Variants in NID2 observed in about 807,000 individuals in gnomAD.
NID2 encodes the protein nidogen-2.
A neutral mutation model predicts 145.4 loss-of-function variants in NID2; 83 were observed. The observed-to-expected ratio is 0.57, with a 90% CI of 0.48 to 0.69. The LOEUF (loss-of-function observed/expected upper bound fraction) is 0.69, where lower values mean the gene tolerates loss of function less well. Among genes scored for constraint, NID2 ranks in the 30% least tolerant of loss-of-function variants. The pLI, the probability that NID2 is intolerant of heterozygous loss-of-function variation, is 0.00. For synonymous variants in NID2, 739 were observed against 701.3 expected (o/e 1.05, Z -0.85); for missense variants, 1,807 against 1,765.7 (o/e 1.02, Z -0.42).
intron 3 of NID2, among the ~76,000 whole-genome samples, chr14:52,059,226 T>C (rs984425649): frequency 6.6e-6 from 1 of 152,204 alleles, no homozygotes; most frequent in Non-Finnish European, 1.5e-5. Context: ...TTTCAATAAA[T>C]GTCAGCTCTG....
rs372100376 is a variant in NID2, at chr14:52,042,304, C to T, written c.1626G>A (p.Val542=). The T allele has an allele frequency of 7.4e-6, 12 of 1,613,550 alleles. 1 individual carries two copies. Among genetic ancestry groups the T allele is most frequent in the Middle Eastern group, 3.3e-4 (2 of 6,056 alleles). ...CAGTGAAGTGCACGGGTGTATGGCC[C>T]ACGTGGAGGTGGCCACTCACTTTCC... ...VNGKVSGHLH[V]GHTPVHFTDV... The change falls in exon 7 of 22, where the codon GTG becomes GTA. Residue 542 remains valine, a synonymous_variant. Coordinates refer to ENST00000216286, the MANE Select transcript of NID2 (RefSeq NM_007361.4).
intron 11 of NID2, among the ~76,000 whole-genome samples, chr14:52,028,354 A>C (rs1891668604): frequency 6.6e-6 from 1 of 151,724 alleles, no homozygotes; most frequent in Non-Finnish European, 1.5e-5. Flanking sequence ...AGTTCACTGC[A>C]ACCTCTGCCT....
chr14:52,007,989 T>C, intron 18 of NID2, 22 bp from the exon 19 acceptor site: 1 of 1,588,674 alleles, frequency 6.3e-7, no homozygotes, highest in Non-Finnish European at 8.6e-7. Flanking sequence ...AAATCAAGAT[T>C]GTAAAAGAAT....
At chr14:52,030,499 A>AAGAAAGAG (rs1566755287) in intron 9 of NID2, among the ~76,000 whole-genome samples, 1 of 57,714 alleles carries the variant, frequency 1.7e-5, no homozygotes, top group African/African-American at 5.8e-5. Context: ...GAAAGAAAGA[A>AAGAAAGAG]AGAGAAAGAA....
At position 52,025,954 on chromosome 14, in the gene NID2, G is replaced by A. The variant is rs377245941; in HGVS notation, c.2674+1247C>T. Among the ~76,000 whole-genome samples, 168 of 152,296 alleles carry A rather than the reference G, an allele frequency of 1.1e-3. 6 individuals are homozygous for A. In the South Asian group the frequency reaches 0.033, roughly 30 times the overall value. On this transcript the variant is annotated intron_variant, in intron 12 of 21. Coordinates refer to ENST00000216286, the MANE Select transcript of NID2 (RefSeq NM_007361.4). ...AAATAAAAGGGCTGAACTGAGCCACGGCTTTGGGTTAGTTCAGCATAAATT... is the reference window on the plus strand; with the variant it reads ...AAATAAAAGGGCTGAACTGAGCCACAGCTTTGGGTTAGTTCAGCATAAATT...
chr14:52,051,129 A>G (rs1263811498), intron 5 of NID2, among the ~76,000 whole-genome samples: 2 of 151,820 alleles, frequency 1.3e-5, no homozygotes, highest in Admixed American at 6.6e-5. Context: ...TGGTGTAGAT[A>G]TGATCTGAAA....
At chr14:52,023,373 T>A (rs879289923) in intron 12 of NID2, among the ~76,000 whole-genome samples, 5 of 151,930 alleles carry the variant, frequency 3.3e-5, no homozygotes, top group Non-Finnish European at 5.9e-5. Context: ...GAGGATCACT[T>A]GAGCCTGGAA....
At chr14:52,031,743 C>T (rs1236095057) in intron 9 of NID2, among the ~76,000 whole-genome samples, 1 of 152,198 alleles carries the variant, frequency 6.6e-6, no homozygotes, top group Non-Finnish European at 1.5e-5. Context: ...CTTTCTGACC[C>T]GTGTCTCCCA....
At chr14:52,006,743 A>G (rs985904090) in intron 19 of NID2, 83 bp from the exon 20 acceptor site, 2 of 1,431,960 alleles carry the variant, frequency 1.4e-6, no homozygotes, top group African/African-American at 2.8e-5. Context: ...ACACAGTGAT[A>G]GAATGGGGAA....
chr14:52,054,141 A>C lies in NID2; in HGVS notation c.948T>G (p.Asp316Glu). ...LESDYNEDNL[D>E]YYDVNEEEAE... is the part of the protein sequence containing the mutation. Reference sequence around the variant, plus strand: ...CTTCCTCCTCATTCACATCATAGTAATCCAAATTGTCCTCATTATAGTCAC... The same window carrying C: ...CTTCCTCCTCATTCACATCATAGTACTCCAAATTGTCCTCATTATAGTCAC... Residue 316 changes from aspartate (D) to glutamate (E), a missense_variant, in exon 4 of 22, where the codon GAT (aspartate) becomes GAG (glutamate). Coordinates refer to ENST00000216286, the MANE Select transcript of NID2 (RefSeq NM_007361.4). The C allele has an allele frequency of 6.2e-7, 1 of 1,614,110 alleles. No individual in the cohort carries two copies. Among genetic ancestry groups the C allele is most frequent in the Non-Finnish European group, 8.5e-7 (1 of 1,180,022 alleles).
At chr14:52,034,868 T>C (rs1193994826) in intron 9 of NID2, among the ~76,000 whole-genome samples, 1 of 152,314 alleles carries the variant, frequency 6.6e-6, no homozygotes, top group Admixed American at 6.5e-5. Flanking sequence ...AGAATTAAAA[T>C]GTCCCCTTGA....
chr14:52,056,564 G>C (rs1566773429), intron 3 of NID2, among the ~76,000 whole-genome samples: 1 of 152,124 alleles, frequency 6.6e-6, no homozygotes, highest in Admixed American at 6.6e-5. Flanking sequence ...GGGAAATCAA[G>C]GTGGGCGGAT....
At chr14:52,023,972 T>G (rs8020559) in intron 12 of NID2, among the ~76,000 whole-genome samples, 21,175 of 152,256 alleles carry the variant, frequency 0.14, 1,509 homozygotes, top group East Asian at 0.17. Context: ...CCTCTGTTCT[T>G]TGGTCACTGA....
rs77570762 is a variant in NID2 at position 52,037,623 on chromosome 14, C to T, written c.2257+1124G>A. On this transcript the variant is annotated intron_variant, in intron 9 of 21. Coordinates refer to ENST00000216286, the MANE Select transcript of NID2 (RefSeq NM_007361.4). ...TTATTCTTTTCCAAGATTGTTTTGG[C>T]TATTCTGTGTTCTTTGAATTTCCAT... Among the ~76,000 whole-genome samples the T allele has an allele frequency of 3.3e-5, 5 of 152,246 alleles. No individual in the cohort carries two copies. In the East Asian group the frequency reaches 9.7e-4, roughly 29 times the overall value.
chr14:52,023,143 G>T (rs1872891815), intron 12 of NID2, among the ~76,000 whole-genome samples: 1 of 152,182 alleles, frequency 6.6e-6, no homozygotes, highest in Non-Finnish European at 1.5e-5. Flanking sequence ...AGGAAACCTG[G>T]CCAGGCACAT....
At chr14:52,042,970 G>T (rs747903615) in intron 5 of NID2, 39 bp from the exon 6 acceptor site, 2 of 1,603,808 alleles carry the variant, frequency 1.2e-6, no homozygotes. Flanking sequence ...AGGACTAAAT[G>T]ATTCCAATGT....
chr14:52,021,812 C>T (rs112520914), intron 12 of NID2, among the ~76,000 whole-genome samples: 159 of 152,304 alleles, frequency 1.0e-3, no homozygotes, highest in Admixed American at 1.9e-3. Flanking sequence ...CTGAAATCAA[C>T]CAATGTTGTC....
At chr14:52,064,980 C>T (rs915967996) in intron 2 of NID2, among the ~76,000 whole-genome samples, 7 of 152,156 alleles carry the variant, frequency 4.6e-5, no homozygotes, top group African/African-American at 1.7e-4. Context: ...CTATGTCTCC[C>T]ATCAATAAGT....
chr14:52,011,490 G>A (rs549765571), intron 17 of NID2, 64 bp downstream of exon 17: 165 of 1,603,222 alleles, frequency 1.0e-4, no homozygotes, highest in East Asian at 4.0e-4. Context: ...AGACTTCGGC[G>A]TAAAGTAGAC....
Sources: allele counts gnomAD v4.1 joint callset (sites outside exome capture counted in the v4.1 genomes callset), GRCh38; gene constraint gnomAD v4.1.1; transcripts MANE v1.5; gene names NCBI Gene and HGNC (gene_info 2026-07-23, HGNC 2026-07-21).